WDR35: variants seen among roughly 807,000 people sequenced by gnomAD.
WDR35 encodes WD repeat domain 35.
In WDR35, 118 loss-of-function variants were observed where a neutral mutation model predicts 158.3. The ratio of observed to expected loss-of-function variants is 0.75; its 90% CI spans 0.64 to 0.87. The LOEUF is 0.87. Ranked by LOEUF, WDR35 falls within the 40% of genes least tolerant of loss-of-function variation. The probability of loss-of-function intolerance (pLI) is 0.00; values close to 1 mark genes in which losing one functional copy is unlikely to be tolerated. For missense variants in WDR35, 1,263 were observed against 1,405.8 expected (o/e 0.90, Z 1.62); for synonymous variants, 448 against 476.1 (o/e 0.94, Z 0.77).
chr2:19,971,042 A>G (rs1672020899), intron 8 of WDR35, among the ~76,000 whole-genome samples: 1 of 146,330 alleles, frequency 6.8e-6, no homozygotes, highest in Non-Finnish European at 1.5e-5. Context: ...TTTAATTTAA[A>G]ATTTAAAATA....
At chr2:19,962,994 C>T (rs994179375) in intron 10 of WDR35, among the ~76,000 whole-genome samples, 22 of 152,188 alleles carry the variant, frequency 1.4e-4, no homozygotes, top group African/African-American at 5.1e-4. Flanking sequence ...CTCCCTTTAC[C>T]GATCCTTTTG....
At chr2:19,914,472 C>T (rs1669935557) in intron 25 of WDR35, among the ~76,000 whole-genome samples, 195 bp from the exon 26 acceptor site, 1 of 152,178 alleles carries the variant, frequency 6.6e-6, no homozygotes, top group Admixed American at 6.5e-5. Flanking sequence ...AGCTGGCTAA[C>T]AGCTCATCCT....
intron 21 of WDR35, 35 bp downstream of exon 21, chr2:19,935,436 T>C: frequency 6.2e-7 from 1 of 1,610,568 alleles, no homozygotes. Flanking sequence ...TAAAGTAACC[T>C]AACAATTCCA....
chr2:19,969,746 G>T, intron 8 of WDR35, 141 bp from the exon 9 acceptor site: 58 of 810,654 alleles, frequency 7.2e-5, no homozygotes, highest in Non-Finnish European at 9.6e-5. Context: ...CATGTTTCTT[G>T]AATTTTTTTT....
chr2:19,950,672 T>C (rs1180097011), intron 13 of WDR35, among the ~76,000 whole-genome samples: 1 of 152,146 alleles, frequency 6.6e-6, no homozygotes, highest in Non-Finnish European at 1.5e-5. Context: ...ATTCAAAAAA[T>C]ACTTAATTGA....
rs1553313366 is a variant in WDR35, at chr2:19,910,274, A to C, written c.*3284T>G. The stretch of plus-strand genomic sequence containing the variant: ...ATAAACACAAGTTATTTTTTTCTTC[A>C]ATGTTTATTATTTTCGTATTTTTTC... On this transcript the variant is annotated 3_prime_UTR_variant, in exon 27 of 27. Coordinates refer to ENST00000281405, the MANE Select transcript of WDR35 (RefSeq NM_020779.4). The C allele has an allele frequency of 6.6e-6, 1 of 152,186 alleles. No individual in the cohort carries two copies. The highest frequency in any genetic ancestry group is 2.4e-5 in the African/African-American group (1 of 41,450). 9.4% of individuals were successfully genotyped at this position (152,186 alleles called of 1,614,324 possible). A position where few individuals can be genotyped will look rare whatever the true frequency, so the allele number is the denominator to read the frequency against.
intron 2 of WDR35, among the ~76,000 whole-genome samples, chr2:19,985,148 T>C (rs574983632): frequency 2.6e-5 from 4 of 152,338 alleles, no homozygotes; most frequent in African/African-American, 9.6e-5. Flanking sequence ...TCCATGGCCC[T>C]ATATACTTTT....
intron 8 of WDR35, 114 bp downstream of exon 8, chr2:19,973,449 T>C: frequency 8.0e-7 from 1 of 1,247,114 alleles, no homozygotes; most frequent in Admixed American, 2.1e-5. Context: ...GAAGATGAAA[T>C]GTCCCTAAAA....
At chr2:19,925,723 G>A in intron 25 of WDR35, among the ~76,000 whole-genome samples, 1 of 152,070 alleles carries the variant, frequency 6.6e-6, no homozygotes. Flanking sequence ...TTGCAACAAT[G>A]GGGAGCACAA....
chr2:19,960,628 A>C lies in WDR35; in HGVS notation c.1195-14T>G. 2 of 1,592,050 alleles carry C rather than the reference A, an allele frequency of 1.3e-6. No homozygotes were observed. Among genetic ancestry groups the C allele is most frequent in the Non-Finnish European group, 1.7e-6 (2 of 1,161,520 alleles). ...AACTAGTACAAACTGTGAACAAATA[A>C]AACAAAAAGTATCAGAACTCCTGCT... On this transcript the variant is annotated splice_polypyrimidine_tract_variant and intron_variant, in intron 10 of 26. Transcript: ENST00000281405.
intron 25 of WDR35, among the ~76,000 whole-genome samples, chr2:19,918,666 T>C (rs1670065552): frequency 6.6e-6 from 1 of 152,052 alleles, no homozygotes; most frequent in Admixed American, 6.6e-5. Flanking sequence ...TTACATAATG[T>C]TAAAGGGATC....
At chr2:19,945,572 G>T (rs1392830688) in intron 16 of WDR35, among the ~76,000 whole-genome samples, 1 of 152,112 alleles carries the variant, frequency 6.6e-6, no homozygotes, top group Non-Finnish European at 1.5e-5. Context: ...ACCTTTCAGA[G>T]AAAGTAGAGA....
At chr2:19,985,164 G>C (rs1207679150) in intron 2 of WDR35, among the ~76,000 whole-genome samples, 1 of 152,166 alleles carries the variant, frequency 6.6e-6, no homozygotes, top group Non-Finnish European at 1.5e-5. Context: ...CTTTTTCTCT[G>C]ATGCAAATGT....
intron 18 of WDR35, 138 bp downstream of exon 18, chr2:19,938,122 TAAATG>T: frequency 7.1e-7 from 1 of 1,414,588 alleles, no homozygotes; most frequent in Non-Finnish European, 9.7e-7. Flanking sequence ...CTTCCAAATC[TAAATG>T]AATTTCTACA....
At chr2:19,962,368 A>C (rs1054077028) in intron 10 of WDR35, 3 of 1,609,158 alleles carry the variant, frequency 1.9e-6, no homozygotes, top group African/African-American at 1.3e-5. Flanking sequence ...ATTCAGAAAA[A>C]TTCAGTTAAC....
chr2:19,967,087 TAG>T (rs1671878503), intron 9 of WDR35, among the ~76,000 whole-genome samples, 178 bp from the exon 10 acceptor site: 1 of 152,174 alleles, frequency 6.6e-6, no homozygotes, highest in Admixed American at 6.5e-5. Flanking sequence ...ATAAAAATAA[TAG>T]AGATTTATAA....
At chr2:19,984,212 T>C (rs1217957992) in intron 2 of WDR35, among the ~76,000 whole-genome samples, 1 of 152,144 alleles carries the variant, frequency 6.6e-6, no homozygotes, top group Non-Finnish European at 1.5e-5. Flanking sequence ...CAGCTTGATA[T>C]ATTGAACAAA....
chr2:19,932,266 C>G lies in WDR35; in HGVS notation c.2823+17G>C. 1.2e-6 allele frequency: 2 copies of G among 1,612,724 alleles called. No individual in the cohort carries two copies. Among genetic ancestry groups the G allele is most frequent in the Non-Finnish European group, 8.5e-7 (1 of 1,179,254 alleles). On this transcript the variant is annotated intron_variant, in intron 23 of 26. Transcript: ENST00000281405. ...TGACTGGAACAAATCAACTATTCAC[C>G]AAGATTTTTACATTACCTTAAACAT...
chr2:19,933,375 C>A (rs1670585032), intron 22 of WDR35, 26 bp downstream of exon 22: 2 of 1,580,014 alleles, frequency 1.3e-6, no homozygotes, highest in Non-Finnish European at 8.7e-7. Context: ...CAATAAGCTG[C>A]ACAGACAGAA....
Sources: allele counts gnomAD v4.1 joint callset (sites outside exome capture counted in the v4.1 genomes callset), GRCh38; gene constraint gnomAD v4.1.1; transcripts MANE v1.5; gene names NCBI Gene and HGNC (gene_info 2026-07-23, HGNC 2026-07-21).